The following GGACT variants were observed in gnomAD, a reference collection of about 807,000 sequenced individuals.
GGACT encodes the protein gamma-glutamylaminecyclotransferase.
For missense variants in GGACT, 241 were observed against 233.2 expected (o/e 1.03, Z -0.22); for synonymous variants, 118 against 115.3 (o/e 1.02, Z -0.15).
chr13:100,582,694 AG>A (rs1206123079), intron 2 of GGACT, among the ~76,000 whole-genome samples: 1 of 152,236 alleles, frequency 6.6e-6, no homozygotes, highest in Non-Finnish European at 1.5e-5. Context: ...AGCTGCAAAA[AG>A]GAAGAAAACA....
rs1382320974 is a variant in GGACT, at chr13:100,530,409, A to C, written c.*1721T>G. The C allele has an allele frequency of 2.4e-5, 14 of 588,694 alleles. No homozygotes were observed. The Admixed American group carries it at 3.7e-4, about 16-fold the overall frequency. The allele number at this position is 588,694 out of a possible 1,614,324, so 36.5% of individuals were successfully genotyped here. A position where few individuals can be genotyped will look rare whatever the true frequency, so the allele number is the denominator to read the frequency against. ...TGAGATTCCCTAGTGTCAAAATTAA[A>C]TCAATAAAACTGAGCATTTGTCTAA... On this transcript the variant is annotated 3_prime_UTR_variant, in exon 3 of 3. Transcript: ENST00000683975.
At chr13:100,559,839 T>C (rs1264940870) in intron 2 of GGACT, among the ~76,000 whole-genome samples, 2 of 152,258 alleles carry the variant, frequency 1.3e-5, no homozygotes, top group Admixed American at 6.5e-5. Context: ...TAAAAAGATT[T>C]TGTGTTACAT....
At chr13:100,577,135 A>G (rs1875269869) in intron 2 of GGACT, among the ~76,000 whole-genome samples, 3 of 152,172 alleles carry the variant, frequency 2.0e-5, no homozygotes, top group African/African-American at 7.2e-5. Context: ...TTAGAAAAAT[A>G]GGCCGGGCAG....
intron 2 of GGACT, among the ~76,000 whole-genome samples, chr13:100,542,261 A>AC (rs1360095462): frequency 9.2e-5 from 14 of 151,872 alleles, no homozygotes; most frequent in South Asian, 2.1e-4. Context: ...GCAGCCGCTG[A>AC]CCCCCCCAGC....
chr13:100,574,441 T>G (rs1875190523), intron 2 of GGACT, among the ~76,000 whole-genome samples: 1 of 152,140 alleles, frequency 6.6e-6, no homozygotes, highest in Admixed American at 6.6e-5. Flanking sequence ...CTGGGTGTGG[T>G]GGTGCACACC....
Position 100,559,430 on chromosome 13 carries a change from AC to A in GGACT, c.-11+24394del, listed in dbSNP as rs1429549419. ...TTCATCTCCTGACCTCAGGTGATCT[AC>A]CCCCCTCGGCCTCCCAATGTGCTGG... On this transcript the variant is annotated intron_variant, in intron 2 of 2. Transcript: ENST00000683975. Among the ~76,000 whole-genome samples the A allele has an allele frequency of 8.6e-5, 13 of 151,848 alleles. No homozygotes were observed. In the South Asian group the frequency reaches 2.5e-3, roughly 29 times the overall value.
At chr13:100,564,743 A>G (rs997600491) in intron 2 of GGACT, among the ~76,000 whole-genome samples, 3 of 152,208 alleles carry the variant, frequency 2.0e-5, no homozygotes, top group African/African-American at 7.2e-5. Flanking sequence ...GTGTGGAAAT[A>G]AATTACATTT....
chr13:100,534,728 T>C lies in GGACT; in HGVS notation c.-10-2127A>G, dbSNP rs1038971498. On this transcript the variant is annotated intron_variant, in intron 2 of 2. Coordinates refer to ENST00000683975, the MANE Select transcript of GGACT (RefSeq NM_001195087.2). This position sits in a 1 kb window ranked among gnomAD's most constrained non-coding sequence, Gnocchi z 4.9. ...CCATCAGCACTTCCCCTGCCACGTCTCCCAACCTGCTCTCCTCCTCCAATG... is the reference window on the plus strand; with the variant it reads ...CCATCAGCACTTCCCCTGCCACGTCCCCCAACCTGCTCTCCTCCTCCAATG... 6.6e-6 allele frequency among the ~76,000 whole-genome samples: 1 copy of C among 151,884 alleles called. No individual in the cohort carries two copies. Among genetic ancestry groups the C allele is most frequent in the Non-Finnish European group, 1.5e-5 (1 of 67,946 alleles).
chr13:100,571,465 T>C (rs964641975), intron 2 of GGACT, among the ~76,000 whole-genome samples: 1 of 152,132 alleles, frequency 6.6e-6, no homozygotes, highest in African/African-American at 2.4e-5. Flanking sequence ...ACAGAGAACA[T>C]ACTTTCTTTT....
At chr13:100,565,356 C>T (rs1018392716) in intron 2 of GGACT, among the ~76,000 whole-genome samples, 8 of 152,114 alleles carry the variant, frequency 5.3e-5, no homozygotes, top group Admixed American at 6.5e-5. Flanking sequence ...TACCTGACAA[C>T]GTTAACAGCT....
intron 2 of GGACT, among the ~76,000 whole-genome samples, chr13:100,575,624 G>A (rs911090895): frequency 1.3e-5 from 2 of 152,156 alleles, no homozygotes; most frequent in Non-Finnish European, 2.9e-5. Context: ...TTAGCAGGAT[G>A]TAGGTGGTGC....
chr13:100,550,458 A>ACC (rs2088652427), intron 2 of GGACT, among the ~76,000 whole-genome samples: 2 of 142,244 alleles, frequency 1.4e-5, no homozygotes, highest in South Asian at 2.3e-4. Flanking sequence ...ACACACACAC[A>ACC]CCACTTTTAA....
chr13:100,557,488 T>G (rs911524358), intron 2 of GGACT, among the ~76,000 whole-genome samples: 10 of 152,078 alleles, frequency 6.6e-5, no homozygotes, highest in Non-Finnish European at 1.0e-4. Context: ...GTCAACTGTT[T>G]TCAATAAAGA....
At chr13:100,580,608 G>C (rs9518098) in intron 2 of GGACT, among the ~76,000 whole-genome samples, 29,286 of 152,226 alleles carry the variant, frequency 0.19, 3,405 homozygotes, top group Non-Finnish European at 0.26. Flanking sequence ...CCTAGCAAAT[G>C]AACACAGTTA....
chr13:100,585,651 C>T (rs1032181107), intron 1 of GGACT, among the ~76,000 whole-genome samples: 1 of 151,610 alleles, frequency 6.6e-6, no homozygotes. Context: ...GCCTGTAGTC[C>T]CAGCTACTTG....
In GGACT at chr13:100,534,153, T is replaced by C. The variant is rs1189262430; in HGVS notation, c.-10-1552A>G. ...GCTCTGGGGGGTTCTAGGCCTCATTTTGCTCAAGAGGCACGTCTGCTGCCT... is the reference window on the plus strand; with the variant it reads ...GCTCTGGGGGGTTCTAGGCCTCATTCTGCTCAAGAGGCACGTCTGCTGCCT... On this transcript the variant is annotated intron_variant, in intron 2 of 2. Coordinates refer to ENST00000683975, the MANE Select transcript of GGACT (RefSeq NM_001195087.2). The surrounding 1 kb of genome is among the most constrained non-coding windows in gnomAD (Gnocchi z 4.9). Among the ~76,000 whole-genome samples the C allele has an allele frequency of 1.3e-5, 2 of 152,210 alleles. No homozygotes were observed. Among genetic ancestry groups the C allele is most frequent in the African/African-American group, 4.8e-5 (2 of 41,446 alleles).
chr13:100,538,269 TGA>T (rs897340572), intron 2 of GGACT: 14 of 152,138 alleles, frequency 9.2e-5, no homozygotes, highest in Non-Finnish European at 1.6e-4. Context: ...CCAAGGGAGG[TGA>T]CCCTGTCAAG....
chr13:100,582,969 A>G (rs1225251611), intron 2 of GGACT, among the ~76,000 whole-genome samples: 1 of 152,244 alleles, frequency 6.6e-6, no homozygotes, highest in Non-Finnish European at 1.5e-5. Context: ...TGGGACAAAG[A>G]TATAACTTCC....
chr13:100,542,252 C>T (rs2153013085), intron 2 of GGACT, among the ~76,000 whole-genome samples: 1 of 152,320 alleles, frequency 6.6e-6, no homozygotes, highest in African/African-American at 2.4e-5. Flanking sequence ...AGAAGCAGAG[C>T]AGCCGCTGAC....
Sources: allele counts gnomAD v4.1 joint callset (sites outside exome capture counted in the v4.1 genomes callset), GRCh38; gene constraint gnomAD v4.1.1; non-coding constraint Gnocchi (gnomAD v3.1); transcripts MANE v1.5; gene names NCBI Gene and HGNC (gene_info 2026-07-23, HGNC 2026-07-21).